Variants in PTPRD observed in about 807,000 individuals in gnomAD.
PTPRD encodes the protein receptor-type tyrosine-protein phosphatase delta.
In PTPRD, 34 loss-of-function variants were observed where a neutral mutation model predicts 214.5. The ratio of observed to expected loss-of-function variants is 0.16; its 90% confidence interval spans 0.12 to 0.21. The LOEUF is 0.21. Ranked by LOEUF, PTPRD falls within the 10% of genes least tolerant of loss-of-function variation. The pLI is 1.00. For synonymous variants in PTPRD, 1,128 were observed against 845.7 expected (o/e 1.33, Z -5.79); for missense variants, 2,545 against 2,398.7 (o/e 1.06, Z -1.27).
chr9:8,546,977 A>G (rs1173782618), intron 14 of PTPRD, among the ~76,000 whole-genome samples: 1 of 152,166 alleles, frequency 6.6e-6, no homozygotes, highest in African/African-American at 2.4e-5. Context: ...CGTTCCAACT[A>G]TACTCCTAAC....
At chr9:10,242,787 A>C (rs1275897375) in intron 3 of PTPRD, among the ~76,000 whole-genome samples, 1 of 151,692 alleles carries the variant, frequency 6.6e-6, no homozygotes, top group Non-Finnish European at 1.5e-5. Flanking sequence ...ATTTTCCACT[A>C]ATTAAGTGAG....
At chr9:9,341,773 A>C (rs1416145480) in intron 9 of PTPRD, among the ~76,000 whole-genome samples, 1 of 152,034 alleles carries the variant, frequency 6.6e-6, no homozygotes, top group East Asian at 1.9e-4. Context: ...AGACTGAAAG[A>C]ATTCTCAAAC....
At chr9:10,087,887 T>C (rs947566809) in intron 3 of PTPRD, among the ~76,000 whole-genome samples, 6 of 151,758 alleles carry the variant, frequency 4.0e-5, no homozygotes, top group African/African-American at 1.2e-4. Context: ...TTCAATGTAA[T>C]ACTTCTCATG....
At chr9:9,315,599 C>T (rs1212310193) in intron 9 of PTPRD, among the ~76,000 whole-genome samples, 1 of 151,720 alleles carries the variant, frequency 6.6e-6, no homozygotes, top group African/African-American at 2.4e-5. Context: ...ATTTTTGATT[C>T]CCTAAATATA....
intron 2 of PTPRD, among the ~76,000 whole-genome samples, chr9:10,377,917 G>A (rs2097760410): frequency 6.6e-6 from 1 of 152,000 alleles, no homozygotes; most frequent in Admixed American, 6.6e-5. Flanking sequence ...TCTTTTGGGT[G>A]TATATGTGGG....
chr9:9,120,370 T>C (rs2099816469), intron 10 of PTPRD, among the ~76,000 whole-genome samples: 2 of 152,196 alleles, frequency 1.3e-5, no homozygotes, highest in Non-Finnish European at 2.9e-5. Flanking sequence ...CTTGTGGTGC[T>C]TTAGAAAGCT....
chr9:10,539,898 G>C (rs2058710468), intron 2 of PTPRD, among the ~76,000 whole-genome samples: 1 of 152,106 alleles, frequency 6.6e-6, no homozygotes, highest in African/African-American at 2.4e-5. Flanking sequence ...TGCGTCTGTG[G>C]TGTATCAACA....
chr9:10,101,969 T>C (rs1358653682), intron 3 of PTPRD, among the ~76,000 whole-genome samples: 1 of 151,702 alleles, frequency 6.6e-6, no homozygotes, highest in Non-Finnish European at 1.5e-5. Flanking sequence ...CATATGTCAA[T>C]TGGCCAGCCA....
intron 4 of PTPRD, among the ~76,000 whole-genome samples, chr9:9,959,936 A>G (rs62536921): frequency 0.04 from 6,052 of 152,284 alleles, 147 homozygotes; most frequent in Non-Finnish European, 0.058. Flanking sequence ...AGATATGTCT[A>G]TACATGGGTT....
chr9:9,871,907 A>G (rs753529310), intron 5 of PTPRD, among the ~76,000 whole-genome samples: 2 of 152,164 alleles, frequency 1.3e-5, no homozygotes, highest in Non-Finnish European at 2.9e-5. Context: ...AATCATAATA[A>G]CAAAAACTAA....
chr9:10,526,896 A>T (rs2054459132), intron 2 of PTPRD, among the ~76,000 whole-genome samples: 1 of 152,110 alleles, frequency 6.6e-6, no homozygotes, highest in Non-Finnish European at 1.5e-5. Context: ...AAGCTTCATT[A>T]TCTATGTGTT....
At chr9:9,945,429 T>C (rs1236515438) in intron 4 of PTPRD, among the ~76,000 whole-genome samples, 1 of 152,074 alleles carries the variant, frequency 6.6e-6, no homozygotes, top group Non-Finnish European at 1.5e-5. Context: ...ATACTGGTGA[T>C]ATGAAGATAA....
At chr9:10,060,847 TC>T (rs577425264) in intron 3 of PTPRD, among the ~76,000 whole-genome samples, 37 of 115,024 alleles carry the variant, frequency 3.2e-4, no homozygotes, top group African/African-American at 2.4e-3. Context: ...TTCCTTCCTT[TC>T]CTTTCTTTCT....
At chr9:8,773,177 T>C (rs561976583) in intron 11 of PTPRD, among the ~76,000 whole-genome samples, 1 of 152,176 alleles carries the variant, frequency 6.6e-6, no homozygotes, top group East Asian at 1.9e-4. Flanking sequence ...TCCCCAGCCT[T>C]GGGTAGTTTG....
intron 5 of PTPRD, among the ~76,000 whole-genome samples, chr9:9,848,082 G>A (rs1166405036): frequency 1.3e-5 from 2 of 152,090 alleles, no homozygotes; most frequent in African/African-American, 4.8e-5. Context: ...CAAATTGAGA[G>A]CACTGGAAAG....
intron 3 of PTPRD, among the ~76,000 whole-genome samples, chr9:10,203,971 TG>T (rs1214842024): frequency 1.3e-5 from 2 of 152,170 alleles, no homozygotes; most frequent in East Asian, 3.9e-4. Flanking sequence ...TAGGATTTGA[TG>T]GCAGAATCTG....
chr9:8,327,166 A>G (rs1024839713), intron 44 of PTPRD, among the ~76,000 whole-genome samples: 50 of 150,882 alleles, frequency 3.3e-4, no homozygotes, highest in African/African-American at 1.2e-3. Flanking sequence ...GTGGGCATTT[A>G]GTGCTATAAA....
chr9:10,521,539 C>T (rs2052288390), intron 2 of PTPRD, among the ~76,000 whole-genome samples: 1 of 152,160 alleles, frequency 6.6e-6, no homozygotes, highest in Admixed American at 6.6e-5. Context: ...GAAAGAATGT[C>T]TACTATAGTC....
At chr9:9,042,519 G>C (rs975799063) in intron 10 of PTPRD, among the ~76,000 whole-genome samples, 6 of 151,998 alleles carry the variant, frequency 3.9e-5, no homozygotes, top group African/African-American at 1.4e-4. Flanking sequence ...GCCAGGCAGG[G>C]AAAACAGCAG....
Sources: gnomAD v4.1 joint callset for allele counts (sites outside exome capture counted in the v4.1 genomes callset) on GRCh38, gnomAD v4.1.1 for gene constraint, MANE v1.5 for transcripts, NCBI Gene and HGNC (gene_info 2026-07-23, HGNC 2026-07-21) for gene names.